Variants in MTX2 observed in about 807,000 individuals in gnomAD.
MTX2 encodes metaxin 2.
In MTX2, 35 loss-of-function variants were observed where a neutral mutation model predicts 42.3. That is an observed-to-expected ratio of 0.83 (90% CI 0.63 to 1.10). The LOEUF (loss-of-function observed/expected upper bound fraction) is 1.10. Ranked by LOEUF, MTX2 falls within the 50% of genes least tolerant of loss-of-function variation. The probability of loss-of-function intolerance (pLI) is 0.00; values close to 1 mark genes in which losing one functional copy is unlikely to be tolerated. For synonymous variants in MTX2, 119 were observed against 100.9 expected, an observed-to-expected ratio of 1.18 and a Z score of -1.08; for missense variants, 307 against 304.1, an observed-to-expected ratio of 1.01 and a Z score of -0.07.
At chr2:176,330,158 G>A (rs1448879304) in intron 8 of MTX2, among the ~76,000 whole-genome samples, 1 of 150,776 alleles carries the variant, frequency 6.6e-6, no homozygotes, top group Non-Finnish European at 1.5e-5. Flanking sequence ...TACTCATAGT[G>A]GGTCAATGTT....
chr2:176,309,458 T>C (rs926901798), intron 3 of MTX2, among the ~76,000 whole-genome samples: 1 of 152,210 alleles, frequency 6.6e-6, no homozygotes, highest in Non-Finnish European at 1.5e-5. Context: ...GTTAACCTGC[T>C]GTCTTGTTGA....
At chr2:176,312,863 CAAA>C (rs557475003) in intron 3 of MTX2, among the ~76,000 whole-genome samples, 3 of 56,052 alleles carry the variant, frequency 5.4e-5, no homozygotes, top group South Asian at 7.8e-4. Flanking sequence ...AATGCCATCT[CAAA>C]AAAAAAAAAA....
intron 9 of MTX2, among the ~76,000 whole-genome samples, chr2:176,337,152 C>T (rs1038398532): frequency 2.0e-5 from 3 of 152,124 alleles, no homozygotes; most frequent in African/African-American, 4.8e-5. Context: ...AGCCATTCTA[C>T]CACCTCAGCC....
intron 9 of MTX2, 54 bp from the exon 10 acceptor site, chr2:176,337,439 C>G (rs1685019426): frequency 1.4e-6 from 2 of 1,449,886 alleles, no homozygotes; most frequent in Non-Finnish European, 1.9e-6. Context: ...ACTGTGTTTT[C>G]TATTGTAAAA....
chr2:176,269,734 G>C, intron 1 of MTX2, 65 bp downstream of exon 1: 1 of 1,512,544 alleles, frequency 6.6e-7, no homozygotes, highest in Non-Finnish European at 8.8e-7. Context: ...GTGGGGTACA[G>C]GGCTGGAGCT....
Position 176,321,735 on chromosome 2 carries a change from G to C in MTX2, c.136-1657G>C, listed in dbSNP as rs1008296573. Among the ~76,000 whole-genome samples the C allele has an allele frequency of 3.3e-5, 5 of 152,214 alleles. No homozygotes were observed. The East Asian group carries it at 5.8e-4, about 18-fold the overall frequency. ...GCAGTTGTCCAGAACTTTTAGTCCA[G>C]TTGGCCATACCCAGTTGTAAGGGAG... On this transcript the variant is annotated intron_variant, in intron 3 of 9. Coordinates refer to ENST00000249442, the MANE Select transcript of MTX2 (RefSeq NM_006554.5).
intron 3 of MTX2, among the ~76,000 whole-genome samples, chr2:176,308,463 A>T (rs191765395): frequency 5.9e-5 from 9 of 152,268 alleles, no homozygotes; most frequent in African/African-American, 1.7e-4. Flanking sequence ...TTGAGAAGCA[A>T]TGGTCCCAGC....
intron 9 of MTX2, among the ~76,000 whole-genome samples, chr2:176,330,976 TG>T (rs2105446865): frequency 6.6e-6 from 1 of 151,216 alleles, no homozygotes; most frequent in South Asian, 2.1e-4. Flanking sequence ...ATTCTAAACT[TG>T]TACTATTAAA....
intron 1 of MTX2, among the ~76,000 whole-genome samples, chr2:176,278,040 G>GT (rs1692988567): frequency 7.8e-6 from 1 of 128,966 alleles, no homozygotes; most frequent in Admixed American, 8.4e-5. Context: ...GGTTGAAACT[G>GT]GTTTTTTTTT....
intron 3 of MTX2, among the ~76,000 whole-genome samples, chr2:176,317,511 G>A (rs553224865): frequency 1.3e-5 from 2 of 152,264 alleles, no homozygotes; most frequent in African/African-American, 2.4e-5. Flanking sequence ...ATAGTTAAGA[G>A]TGAGGCTAAA....
chr2:176,299,054 T>C (rs1683961718), intron 3 of MTX2, among the ~76,000 whole-genome samples: 1 of 152,042 alleles, frequency 6.6e-6, no homozygotes, highest in East Asian at 1.9e-4. Flanking sequence ...AGAAAGGTAT[T>C]TTGGGTAGGA....
At chr2:176,310,916 A>G (rs1177309607) in intron 3 of MTX2, among the ~76,000 whole-genome samples, 2 of 152,232 alleles carry the variant, frequency 1.3e-5, no homozygotes, top group African/African-American at 4.8e-5. Flanking sequence ...TGTGAAAGTC[A>G]TTCTCTGTCC....
intron 1 of MTX2, among the ~76,000 whole-genome samples, chr2:176,294,627 A>G (rs1007278998): frequency 6.6e-6 from 1 of 152,236 alleles, no homozygotes; most frequent in Non-Finnish European, 1.5e-5. Flanking sequence ...CTGTTCATAT[A>G]AGAACTCTGT....
chr2:176,310,771 C>T (rs1424832002), intron 3 of MTX2, among the ~76,000 whole-genome samples: 9 of 152,186 alleles, frequency 5.9e-5, no homozygotes, highest in Admixed American at 5.9e-4. Context: ...GTCTTCTCTA[C>T]ACTGTTTATT....
intron 3 of MTX2, among the ~76,000 whole-genome samples, chr2:176,317,857 C>T (rs879671099): frequency 1.3e-5 from 2 of 152,130 alleles, no homozygotes; most frequent in Non-Finnish European, 2.9e-5. Flanking sequence ...TGGGGGAGGG[C>T]TAATTGTCTA....
intron 1 of MTX2, among the ~76,000 whole-genome samples, chr2:176,292,211 A>C (rs1046114205): frequency 6.6e-6 from 1 of 152,114 alleles, no homozygotes; most frequent in Non-Finnish European, 1.5e-5. Context: ...TTAAAATGGC[A>C]CTTCACACCA....
rs572585867 is a variant in MTX2 at position 176,330,700 on chromosome 2, G to A, written c.620+40G>A. 7 of 1,343,188 alleles carry A rather than the reference G, an allele frequency of 5.2e-6. No individual in the cohort carries two copies. The Admixed American group carries it at 1.3e-4, about 25-fold the overall frequency. 83.2% of individuals were successfully genotyped at this position (1,343,188 alleles called of 1,614,324 possible). A position where few individuals can be genotyped will look rare whatever the true frequency, so the allele number is the denominator to read the frequency against. On this transcript the variant is annotated intron_variant, in intron 9 of 9. Transcript: ENST00000249442. ...TTTTTTAAAGTTAATTTTCTGTACT[G>A]TTAGGTTGCAAATTTCTTTTTTTCA...
chr2:176,335,227 G>C (rs1315582776), intron 9 of MTX2, among the ~76,000 whole-genome samples: 1 of 151,994 alleles, frequency 6.6e-6, no homozygotes, highest in South Asian at 2.1e-4. Flanking sequence ...ATTTTAGGCA[G>C]CAGGAATAGT....
At chr2:176,327,734 G>A (rs1684743651) in intron 5 of MTX2, among the ~76,000 whole-genome samples, 1 of 150,458 alleles carries the variant, frequency 6.6e-6, no homozygotes, top group African/African-American at 2.4e-5. Context: ...AATTCCTAAG[G>A]TTGGTATTGG....
Sources: allele counts gnomAD v4.1 joint callset (sites outside exome capture counted in the v4.1 genomes callset), GRCh38; gene constraint gnomAD v4.1.1; transcripts MANE v1.5; gene names NCBI Gene and HGNC (gene_info 2026-07-23, HGNC 2026-07-21).